ZFPM2: variants seen among roughly 807,000 people sequenced by gnomAD.
The protein encoded by ZFPM2 is zinc finger protein, FOG family member 2, also known as zinc finger protein ZFPM2.
In ZFPM2, 20 loss-of-function variants were observed where a neutral mutation model predicts 98.6. The observed-to-expected ratio is 0.20, with a 90% CI of 0.14 to 0.29. The LOEUF is 0.29. Ranked by LOEUF, ZFPM2 falls within the 10% of genes least tolerant of loss-of-function variation. The probability of loss-of-function intolerance (pLI) is 1.00; values close to 1 mark genes in which losing one functional copy is unlikely to be tolerated. For missense variants in ZFPM2, 1,310 were observed against 1,388.6 expected (o/e 0.94, Z 0.90); for synonymous variants, 518 against 502.7 (o/e 1.03, Z -0.41).
At chr8:105,692,793 T>G (rs1810918725) in intron 5 of ZFPM2, among the ~76,000 whole-genome samples, 1 of 152,184 alleles carries the variant, frequency 6.6e-6, no homozygotes. Context: ...AAAATGTTTA[T>G]GAGTAGGAGA....
chr8:105,379,061 G>C (rs999331977), intron 1 of ZFPM2, among the ~76,000 whole-genome samples: 19 of 152,080 alleles, frequency 1.2e-4, no homozygotes, highest in African/African-American at 3.6e-4. Context: ...CTGTTTTCCT[G>C]TGAAGATAAC....
intron 3 of ZFPM2, among the ~76,000 whole-genome samples, chr8:105,485,908 T>G (rs1369518855): frequency 6.6e-6 from 1 of 152,098 alleles, no homozygotes; most frequent in Non-Finnish European, 1.5e-5. Flanking sequence ...ATTTAAGGCA[T>G]TACCGGTGAA....
intron 1 of ZFPM2, among the ~76,000 whole-genome samples, chr8:105,360,562 C>T (rs187283492): frequency 1.3e-5 from 2 of 151,956 alleles, no homozygotes; most frequent in East Asian, 1.9e-4. Context: ...CATGCTGGTG[C>T]GCTGCACCCA....
At chr8:105,333,841 G>T (rs1397291751) in intron 1 of ZFPM2, among the ~76,000 whole-genome samples, 2 of 151,420 alleles carry the variant, frequency 1.3e-5, no homozygotes, top group Non-Finnish European at 3.0e-5. Flanking sequence ...TTTTTGAAAA[G>T]AAAAATGAAT....
intron 5 of ZFPM2, among the ~76,000 whole-genome samples, chr8:105,644,297 T>TAAAAA (rs58170875): frequency 0.098 from 14,192 of 145,474 alleles, 863 homozygotes; most frequent in South Asian, 0.19. Flanking sequence ...TTTTTTTTTT[T>TAAAAA]AAAAAAAAAA....
intron 5 of ZFPM2, among the ~76,000 whole-genome samples, chr8:105,667,767 C>T (rs1817517193): frequency 2.6e-5 from 4 of 152,128 alleles, no homozygotes; most frequent in Admixed American, 1.3e-4. Flanking sequence ...AGTGCCAATT[C>T]TCACTTTTTT....
chr8:105,478,521 G>A (rs1813054843), intron 3 of ZFPM2, among the ~76,000 whole-genome samples: 1 of 152,280 alleles, frequency 6.6e-6, no homozygotes, highest in African/African-American at 2.4e-5. Context: ...TAATGGTCCT[G>A]ATTCCTTCTG....
chr8:105,609,283 G>A (rs1390647363), intron 4 of ZFPM2, among the ~76,000 whole-genome samples: 1 of 152,006 alleles, frequency 6.6e-6, no homozygotes, highest in Non-Finnish European at 1.5e-5. Context: ...AAGCCAGGAT[G>A]GAGGGAATGG....
chr8:105,325,762 G>A (rs997040134), intron 1 of ZFPM2, among the ~76,000 whole-genome samples: 2 of 151,670 alleles, frequency 1.3e-5, no homozygotes, highest in African/African-American at 4.8e-5. Context: ...GTGTCATACC[G>A]TTACTGTCAG....
At chr8:105,426,237 C>T (rs1417205670) in intron 2 of ZFPM2, among the ~76,000 whole-genome samples, 2 of 152,026 alleles carry the variant, frequency 1.3e-5, no homozygotes, top group African/African-American at 4.8e-5. Flanking sequence ...ATTGACATTT[C>T]CAGGGTGTGT....
intron 6 of ZFPM2, among the ~76,000 whole-genome samples, chr8:105,794,147 G>A (rs1813715247): frequency 6.6e-6 from 1 of 152,138 alleles, no homozygotes; most frequent in Non-Finnish European, 1.5e-5. Flanking sequence ...GAGGAGAGGT[G>A]CTCTGCTTTT....
At chr8:105,577,400 T>C (rs1647949346) in intron 4 of ZFPM2, among the ~76,000 whole-genome samples, 2 of 152,082 alleles carry the variant, frequency 1.3e-5, no homozygotes, top group South Asian at 4.1e-4. Context: ...AAGATAAAAA[T>C]GAATACATTT....
chr8:105,452,116 C>A (rs1348428243), intron 3 of ZFPM2, among the ~76,000 whole-genome samples: 1 of 152,116 alleles, frequency 6.6e-6, no homozygotes, highest in African/African-American at 2.4e-5. Context: ...AACTAGAAAT[C>A]ATACATAAAG....
chr8:105,752,757 T>C (rs893043361), intron 5 of ZFPM2, among the ~76,000 whole-genome samples: 1 of 152,150 alleles, frequency 6.6e-6, no homozygotes, highest in Non-Finnish European at 1.5e-5. Context: ...TAACCCTCTA[T>C]ATAATTGTCT....
At chr8:105,538,451 T>C (rs1394621199) in intron 3 of ZFPM2, among the ~76,000 whole-genome samples, 1 of 152,166 alleles carries the variant, frequency 6.6e-6, no homozygotes, top group Non-Finnish European at 1.5e-5. Context: ...ACTGTTGAAA[T>C]GTCGTTACTA....
chr8:105,432,816 C>T (rs564207510), intron 2 of ZFPM2, among the ~76,000 whole-genome samples: 1 of 152,170 alleles, frequency 6.6e-6, no homozygotes, highest in East Asian at 1.9e-4. Context: ...AATAGAATGT[C>T]GGACTGGGTG....
intron 3 of ZFPM2, among the ~76,000 whole-genome samples, chr8:105,480,288 C>G (rs1017702634): frequency 1.3e-5 from 2 of 152,216 alleles, no homozygotes; most frequent in African/African-American, 4.8e-5. Context: ...GGTACCTTAT[C>G]TAATTTGCCA....
At chr8:105,537,920 C>T (rs1401321145) in intron 3 of ZFPM2, among the ~76,000 whole-genome samples, 1 of 151,764 alleles carries the variant, frequency 6.6e-6, no homozygotes, top group South Asian at 2.1e-4. Context: ...TTAGTAGATA[C>T]GGGGTTTCAC....
At chr8:105,669,072 T>C (rs1258285508) in intron 5 of ZFPM2, among the ~76,000 whole-genome samples, 2 of 152,018 alleles carry the variant, frequency 1.3e-5, no homozygotes, top group Non-Finnish European at 2.9e-5. Flanking sequence ...TAGGATAGAG[T>C]AAAAAGAGTA....
Sources: allele counts gnomAD v4.1 joint callset (sites outside exome capture counted in the v4.1 genomes callset), GRCh38; gene constraint gnomAD v4.1.1; transcripts MANE v1.5; gene names NCBI Gene and HGNC (gene_info 2026-07-23, HGNC 2026-07-21).